The following GPHN variants were observed in gnomAD, a reference collection of about 807,000 sequenced individuals.
The protein encoded by GPHN is gephyrin.
A neutral mutation model predicts 95.5 loss-of-function variants in GPHN; 17 were observed. That is an observed-to-expected ratio of 0.18 (90% CI 0.12 to 0.27). The LOEUF is 0.27. Among genes scored for constraint, GPHN ranks in the 10% least tolerant of loss-of-function variants. The pLI is 1.00. For synonymous variants in GPHN, 320 were observed against 322.5 expected (o/e 0.99, Z 0.08); for missense variants, 660 against 978.1 (o/e 0.67, Z 4.34).
intron 2 of GPHN, among the ~76,000 whole-genome samples, chr14:66,773,243 T>A (rs1240836949): frequency 6.6e-6 from 1 of 152,100 alleles, no homozygotes; most frequent in Non-Finnish European, 1.5e-5. Context: ...TGAAGGCTGA[T>A]AACATGGGGA....
the GPHN span, among the ~76,000 whole-genome samples, chr14:67,485,600 G>A: frequency 1.3e-5 from 2 of 152,228 alleles, no homozygotes; most frequent in East Asian, 1.9e-4. Context: ...TGCCTTCTGG[G>A]GAGCTTCCTT....
At chr14:66,863,078 C>G (rs1285644700) in intron 4 of GPHN, among the ~76,000 whole-genome samples, 1 of 151,570 alleles carries the variant, frequency 6.6e-6, no homozygotes, top group Admixed American at 6.6e-5. Flanking sequence ...TAGAAAAAAA[C>G]TAAAGACTCC....
chr14:67,137,651 G>C (rs10132088), intron 17 of GPHN, among the ~76,000 whole-genome samples: 37,864 of 151,876 alleles, frequency 0.25, 9,543 homozygotes, highest in African/African-American at 0.62. Context: ...TGTGGTCCCA[G>C]CTACTCAGGA....
intron 21 of GPHN, among the ~76,000 whole-genome samples, chr14:67,178,691 C>T (rs2083148944): frequency 6.6e-6 from 1 of 151,924 alleles, no homozygotes; most frequent in Non-Finnish European, 1.5e-5. Flanking sequence ...TGAAAAACTT[C>T]CCAAATCTGT....
chr14:66,612,852 A>C (rs187996067), intron 1 of GPHN, among the ~76,000 whole-genome samples: 1 of 152,024 alleles, frequency 6.6e-6, no homozygotes, highest in Non-Finnish European at 1.5e-5. Context: ...TCTGAGATTT[A>C]TCTCTTATTA....
the GPHN span, chr14:67,690,728 A>G: frequency 1.1e-4 from 45 of 405,916 alleles, no homozygotes; most frequent in South Asian, 3.3e-4. Flanking sequence ...TCACGCCGGT[A>G]ATCTCAGCAC....
the GPHN span, chr14:67,302,091 T>C: frequency 6.2e-7 from 1 of 1,606,716 alleles, no homozygotes; most frequent in Non-Finnish European, 8.5e-7. Flanking sequence ...AAATAGTTCG[T>C]ATAGAAAAGG....
intron 8 of GPHN, among the ~76,000 whole-genome samples, chr14:66,953,086 G>A (rs926001155): frequency 1.6e-5 from 2 of 125,832 alleles, no homozygotes; most frequent in South Asian, 2.6e-4. Flanking sequence ...TAAGGATGCT[G>A]AACATCTCTT....
intron 12 of GPHN, among the ~76,000 whole-genome samples, chr14:67,098,641 C>T (rs1396464731): frequency 6.6e-6 from 1 of 151,968 alleles, no homozygotes; most frequent in Admixed American, 6.6e-5. Flanking sequence ...GAAACCCCGT[C>T]TCTACTAAAA....
chr14:67,503,435 G>C, the GPHN span: 1 of 152,258 alleles, frequency 6.6e-6, no homozygotes, highest in African/African-American at 2.4e-5. Context: ...GTTTGGAAAA[G>C]CGTGTAAAGG....
the GPHN span, among the ~76,000 whole-genome samples, chr14:67,459,140 A>G: frequency 8.0e-4 from 122 of 152,220 alleles, 1 homozygote; most frequent in Middle Eastern, 3.4e-3. Flanking sequence ...CGCCCACCTC[A>G]GCCTCCCAAA....
chr14:67,319,185 G>A, the GPHN span, among the ~76,000 whole-genome samples: 3 of 152,182 alleles, frequency 2.0e-5, no homozygotes, highest in East Asian at 5.8e-4. Flanking sequence ...GCTCTGTGCT[G>A]AGCATTGACA....
chr14:66,835,384 T>C (rs2061755807), intron 4 of GPHN, among the ~76,000 whole-genome samples: 1 of 152,068 alleles, frequency 6.6e-6, no homozygotes, highest in African/African-American at 2.4e-5. Flanking sequence ...CTTTCTCTTG[T>C]GGGCATTTAG....
At chr14:67,575,752 A>C in the GPHN span, 4 of 1,126,400 alleles carry the variant, frequency 3.6e-6, no homozygotes, top group Non-Finnish European at 5.2e-6. Context: ...CACGGAGCCT[A>C]TGTATTCAGA....
At chr14:66,528,362 A>G (rs12590484) in intron 1 of GPHN, among the ~76,000 whole-genome samples, 38,977 of 152,052 alleles carry the variant, frequency 0.26, 9,823 homozygotes, top group African/African-American at 0.62. Flanking sequence ...GTGTCTTTGC[A>G]TGTGAGATGG....
At chr14:67,289,768 C>CTTTTTT in the GPHN span, among the ~76,000 whole-genome samples, 39 of 95,478 alleles carry the variant, frequency 4.1e-4, 10 homozygotes, top group Non-Finnish European at 4.1e-4. Context: ...TTTTCCATGT[C>CTTTTTT]CTTTTTTTTT....
intron 4 of GPHN, among the ~76,000 whole-genome samples, chr14:66,860,150 C>CA (rs2062969331): frequency 6.6e-6 from 1 of 151,976 alleles, no homozygotes; most frequent in Admixed American, 6.6e-5. Context: ...AGATTTAACT[C>CA]AAAGACTACC....
intron 1 of GPHN, among the ~76,000 whole-genome samples, chr14:66,574,891 C>T (rs1228196169): frequency 2.0e-5 from 3 of 152,184 alleles, no homozygotes; most frequent in Non-Finnish European, 4.4e-5. Context: ...TTACACCCCT[C>T]CCCTGTCCTA....
the GPHN span, chr14:67,302,146 C>T: frequency 6.4e-7 from 1 of 1,566,808 alleles, no homozygotes; most frequent in East Asian, 2.3e-5. Context: ...TGTTTTTAAA[C>T]AAGTGCATTT....
Sources: allele counts gnomAD v4.1 joint callset (sites outside exome capture counted in the v4.1 genomes callset), GRCh38; gene constraint gnomAD v4.1.1; transcripts MANE v1.5; gene names NCBI Gene and HGNC (gene_info 2026-07-23, HGNC 2026-07-21).